INSC: variants seen among roughly 807,000 people sequenced by gnomAD.
The protein encoded by INSC is INSC spindle orientation adaptor protein, also known as protein inscuteable homolog.
In INSC, 67 loss-of-function variants were observed where a neutral mutation model predicts 58.6. The ratio of observed to expected loss-of-function variants is 1.14; its 90% confidence interval spans 0.94 to 1.40. The LOEUF (loss-of-function observed/expected upper bound fraction) is 1.40. INSC is among the 40% of genes most tolerant of loss of function. The probability of loss-of-function intolerance (pLI) is 0.00; values close to 1 mark genes in which losing one functional copy is unlikely to be tolerated. For synonymous variants in INSC, 262 were observed against 276.1 expected, an observed-to-expected ratio of 0.95 and a Z score of 0.51; for missense variants, 714 against 692.0, an observed-to-expected ratio of 1.03 and a Z score of -0.36.
chr11:15,253,654 C>T, the INSC span, among the ~76,000 whole-genome samples: 2 of 149,134 alleles, frequency 1.3e-5, no homozygotes, highest in Non-Finnish European at 3.0e-5. Context: ...TAATAATATT[C>T]AGAAAGGTGG....
chr11:15,169,600 G>GGTAT (rs1199570911), intron 2 of INSC, among the ~76,000 whole-genome samples: 9 of 152,068 alleles, frequency 5.9e-5, no homozygotes, highest in African/African-American at 1.9e-4. Context: ...GGAGTGTAGT[G>GGTAT]GTATGATCTC....
upstream of INSC, among the ~76,000 whole-genome samples, chr11:15,111,864 T>C (rs529470813): frequency 6.6e-6 from 1 of 152,356 alleles, no homozygotes; most frequent in Non-Finnish European, 1.5e-5. Context: ...GGTAAGTTAC[T>C]TACTGAGGCC....
Position 15,230,010 on chromosome 11 carries a change from TATAA to T in INSC, c.1170+4183_1170+4186del, listed in dbSNP as rs1564917863. Among the ~76,000 whole-genome samples, 771 of 28,174 alleles carry T rather than the reference TATAA, an allele frequency of 0.027. 74 individuals are homozygous for T. The East Asian group carries it at 0.32, about 12-fold the overall frequency. The allele number at this position is 28,174 out of a possible 152,430, so 18.5% of individuals were successfully genotyped here. Reference sequence around the variant, plus strand: ...ATATATATATATATATATATATATATATAATATATATATATATATATATATATAT... The same window carrying T: ...ATATATATATATATATATATATATATTATATATATATATATATATATATAT... On this transcript the variant is annotated intron_variant, in intron 9 of 12. Coordinates refer to ENST00000379556, the MANE Select transcript of INSC (RefSeq NM_001042536.3).
intron 1 of INSC, among the ~76,000 whole-genome samples, chr11:15,137,997 A>G (rs1387990755): frequency 6.6e-6 from 1 of 152,150 alleles, no homozygotes; most frequent in Non-Finnish European, 1.5e-5. Flanking sequence ...TCACTTGAAC[A>G]TTTAGAGGGC....
the INSC span, among the ~76,000 whole-genome samples, chr11:15,258,105 G>A: frequency 1.3e-5 from 2 of 152,124 alleles, no homozygotes; most frequent in Non-Finnish European, 2.9e-5. Flanking sequence ...GCTAAATTAG[G>A]TAGTAGACAT....
chr11:15,264,251 A>G, the INSC span, among the ~76,000 whole-genome samples: 1 of 126,390 alleles, frequency 7.9e-6, no homozygotes, highest in Non-Finnish European at 1.6e-5. Flanking sequence ...CAGCAATAGA[A>G]CCTCAAATTC....
At chr11:15,187,530 T>A (rs1386989350) in intron 5 of INSC, among the ~76,000 whole-genome samples, 1 of 152,198 alleles carries the variant, frequency 6.6e-6, no homozygotes. Context: ...TCATGCCAGT[T>A]TGCTTTTTGA....
chr11:15,269,467 C>T, the INSC span, among the ~76,000 whole-genome samples: 1 of 151,858 alleles, frequency 6.6e-6, no homozygotes, highest in Admixed American at 6.6e-5. Flanking sequence ...AGTTTTCCTT[C>T]CTTGGCAGTG....
intron 2 of INSC, among the ~76,000 whole-genome samples, chr11:15,151,127 C>T (rs934377984): frequency 5.1e-4 from 78 of 152,292 alleles, no homozygotes; most frequent in African/African-American, 1.9e-3. Flanking sequence ...AGGAACTGGG[C>T]CCCCACACAG....
At chr11:15,190,914 C>T (rs1850145309) in intron 6 of INSC, 100 bp downstream of exon 6, 1 of 771,178 alleles carries the variant, frequency 1.3e-6, no homozygotes, top group Non-Finnish European at 2.3e-6. Context: ...CTGTCTTGGC[C>T]CCTGCATTAG....
chr11:15,206,055 T>C (rs975930758), intron 7 of INSC, among the ~76,000 whole-genome samples: 1 of 152,200 alleles, frequency 6.6e-6, no homozygotes, highest in Admixed American at 6.5e-5. Context: ...CCTCCCTGCA[T>C]CCTAAGCTTC....
intron 6 of INSC, among the ~76,000 whole-genome samples, chr11:15,194,049 TA>T (rs1433596607): frequency 6.6e-6 from 1 of 152,206 alleles, no homozygotes; most frequent in Admixed American, 6.5e-5. Context: ...CAAGGAAGAC[TA>T]AATCAAAAAG....
At chr11:15,128,189 A>G (rs1011939145) in intron 1 of INSC, among the ~76,000 whole-genome samples, 1 of 152,164 alleles carries the variant, frequency 6.6e-6, no homozygotes, top group African/African-American at 2.4e-5. Context: ...CATTATGCCA[A>G]TAGGAATTTT....
intron 2 of INSC, 109 bp downstream of exon 2, chr11:15,149,339 T>A: frequency 8.9e-7 from 1 of 1,122,934 alleles, no homozygotes; most frequent in Non-Finnish European, 1.2e-6. Context: ...CCCACGCAAT[T>A]TTCTGGGGAG....
chr11:15,112,452 G>A, upstream of INSC: 1 of 1,585,112 alleles, frequency 6.3e-7, no homozygotes, highest in Non-Finnish European at 8.6e-7. Context: ...TGGAGTCGCT[G>A]CAGCCAAGGC....
intron 7 of INSC, among the ~76,000 whole-genome samples, chr11:15,204,579 A>C (rs1370509737): frequency 6.6e-6 from 1 of 152,144 alleles, no homozygotes; most frequent in Non-Finnish European, 1.5e-5. Context: ...GAGGTTGGCC[A>C]TTGTCAGTGT....
intron 6 of INSC, among the ~76,000 whole-genome samples, 167 bp from the exon 7 acceptor site, chr11:15,200,657 T>C (rs1850545628): frequency 6.6e-6 from 1 of 151,992 alleles, no homozygotes; most frequent in South Asian, 2.1e-4. Context: ...TTCTCTGTAG[T>C]GTACATGTGA....
At position 15,200,732 on chromosome 11, in the gene INSC, A is replaced by T. The variant is rs573779801; in HGVS notation, c.694-92A>T. The T allele has an allele frequency of 3.2e-6, 5 of 1,572,328 alleles. No homozygotes were observed. In the Admixed American group the frequency reaches 8.5e-5, roughly 27 times the overall value. On this transcript the variant is annotated intron_variant, in intron 6 of 12. Coordinates refer to ENST00000379556, the MANE Select transcript of INSC (RefSeq NM_001042536.3). ...CTGGAGGCAGGGAGGACCCGAAAGC[A>T]TATCTGGCGAATCAGGGATGTCACT...
rs190453580 is a variant in INSC at position 15,209,558 on chromosome 11, G to A, written c.819+8609G>A. Among the ~76,000 whole-genome samples, 89 of 152,120 alleles carry A rather than the reference G, an allele frequency of 5.9e-4. No individual in the cohort carries two copies. In the Middle Eastern group the frequency reaches 0.017, roughly 29 times the overall value. On this transcript the variant is annotated intron_variant, in intron 7 of 12. Transcript: ENST00000379556. The stretch of plus-strand genomic sequence containing the variant: ...CAGTATGTGGTACTGCTCTGGAAGC[G>A]TATCCCACACTGCCTGACCTCAAAC...
Sources: allele counts gnomAD v4.1 joint callset (sites outside exome capture counted in the v4.1 genomes callset), GRCh38; gene constraint gnomAD v4.1.1; transcripts MANE v1.5; gene names NCBI Gene and HGNC (gene_info 2026-07-23, HGNC 2026-07-21).